Variants in RARB observed in about 807,000 individuals in gnomAD.
The protein encoded by RARB is retinoic acid receptor beta, also known as HBV-activated protein.
RARB carries 17 observed loss-of-function variants against 51.9 expected under a neutral mutation model. The observed-to-expected ratio is 0.33, with a 90% CI of 0.22 to 0.49. The LOEUF (loss-of-function observed/expected upper bound fraction) is 0.49. Ranked by LOEUF, RARB falls within the 20% of genes least tolerant of loss-of-function variation. RARB has a pLI of 0.99. For synonymous variants in RARB, 215 were observed against 195.4 expected (o/e 1.10, Z -0.84); for missense variants, 369 against 550.8 (o/e 0.67, Z 3.30).
intron 1 of RARB, among the ~76,000 whole-genome samples, chr3:25,439,439 T>A (rs897628280): frequency 6.6e-6 from 1 of 152,178 alleles, no homozygotes; most frequent in Non-Finnish European, 1.5e-5. Flanking sequence ...AGGGTCTCGC[T>A]CTGTTGCCCA....
At chr3:25,477,967 G>A (rs1229006955) in intron 2 of RARB, among the ~76,000 whole-genome samples, 2 of 152,170 alleles carry the variant, frequency 1.3e-5, no homozygotes, top group Admixed American at 1.3e-4. Context: ...AGTTGGTGTT[G>A]CCTGCTAAGT....
chr3:25,327,231 T>TA (rs1559358626), intron 5 of RARB, among the ~76,000 whole-genome samples: 9 of 152,064 alleles, frequency 5.9e-5, no homozygotes, highest in East Asian at 1.9e-4. Context: ...TTATTTTTTT[T>TA]TAAAAAAAGG....
chr3:25,213,280 C>T (rs564575222), intron 5 of RARB, among the ~76,000 whole-genome samples: 1 of 152,242 alleles, frequency 6.6e-6, no homozygotes, highest in East Asian at 1.9e-4. Context: ...ATCTGTACAG[C>T]TTTCTTTTGT....
At chr3:25,250,190 TTC>T (rs1294795532) in intron 5 of RARB, among the ~76,000 whole-genome samples, 4 of 152,110 alleles carry the variant, frequency 2.6e-5, no homozygotes, top group Non-Finnish European at 5.9e-5. Context: ...GATGGGCTTG[TTC>T]TCAGGCCCCT....
intron 1 of RARB, among the ~76,000 whole-genome samples, chr3:24,841,699 T>C (rs959004810): frequency 3.9e-5 from 6 of 152,202 alleles, no homozygotes; most frequent in African/African-American, 1.4e-4. Flanking sequence ...AAATAACAAC[T>C]AATAAAACTG....
intron 5 of RARB, among the ~76,000 whole-genome samples, chr3:25,176,367 TTCCTTCCTTCCTTCCTTCC>T (rs2125354603): frequency 1.7e-5 from 2 of 119,516 alleles, no homozygotes; most frequent in African/African-American, 5.6e-5. Context: ...CCTTCCTTCC[TTCCTTCCTTCCTTCCTTCC>T]TTATTTATTT....
intron 3 of RARB, among the ~76,000 whole-genome samples, chr3:25,516,775 C>T (rs1470718727): frequency 2.0e-5 from 3 of 151,984 alleles, no homozygotes; most frequent in African/African-American, 7.3e-5. Flanking sequence ...TATAAGCATA[C>T]ACCTCCACAC....
chr3:24,956,664 A>T (rs1302226211), intron 2 of RARB, among the ~76,000 whole-genome samples: 1 of 152,220 alleles, frequency 6.6e-6, no homozygotes, highest in African/African-American at 2.4e-5. Context: ...ACAGGGTCAC[A>T]TGTATGAAAT....
chr3:25,010,573 T>C (rs899668041), intron 2 of RARB, among the ~76,000 whole-genome samples: 3 of 152,216 alleles, frequency 2.0e-5, no homozygotes, highest in African/African-American at 7.2e-5. Flanking sequence ...CACACTCAAC[T>C]AACATTGGAG....
chr3:25,524,894 T>G (rs1016470165), intron 3 of RARB, among the ~76,000 whole-genome samples: 6 of 151,988 alleles, frequency 3.9e-5, no homozygotes, highest in African/African-American at 1.5e-4. Context: ...CACACCCAGC[T>G]AATTTTTGTA....
intron 5 of RARB, among the ~76,000 whole-genome samples, chr3:25,267,942 T>G (rs890803380): frequency 6.6e-6 from 1 of 152,216 alleles, no homozygotes; most frequent in African/African-American, 2.4e-5. Flanking sequence ...ATGTTGAAAC[T>G]ATATTCTTAA....
At chr3:25,079,761 T>C (rs551232563) in intron 3 of RARB, among the ~76,000 whole-genome samples, 24 of 152,318 alleles carry the variant, frequency 1.6e-4, no homozygotes, top group African/African-American at 5.5e-4. Context: ...CTTTCAAATA[T>C]TGCTGGGCTC....
intron 5 of RARB, among the ~76,000 whole-genome samples, chr3:25,347,801 C>T (rs1457098385): frequency 6.6e-6 from 1 of 152,200 alleles, no homozygotes; most frequent in African/African-American, 2.4e-5. Flanking sequence ...CACACATGTT[C>T]ATCATTGCCT....
intron 2 of RARB, among the ~76,000 whole-genome samples, chr3:24,905,772 G>A (rs1487081063): frequency 6.6e-6 from 1 of 152,146 alleles, no homozygotes; most frequent in East Asian, 1.9e-4. Flanking sequence ...AGTTGCACTG[G>A]CTAAGGATGT....
chr3:25,111,206 A>G (rs1176795008), intron 3 of RARB, among the ~76,000 whole-genome samples: 1 of 152,222 alleles, frequency 6.6e-6, no homozygotes, highest in Non-Finnish European at 1.5e-5. Flanking sequence ...TAAGAGATAT[A>G]TTTATATAAA....
chr3:25,187,737 G>T (rs1270366504), intron 5 of RARB, among the ~76,000 whole-genome samples: 1 of 152,032 alleles, frequency 6.6e-6, no homozygotes, highest in African/African-American at 2.4e-5. Context: ...CTCAGATACA[G>T]CCTTGTTGTG....
chr3:24,866,994 CT>C (rs1158683964), intron 2 of RARB, among the ~76,000 whole-genome samples: 2 of 151,938 alleles, frequency 1.3e-5, no homozygotes, highest in African/African-American at 2.4e-5. Context: ...ACAGGAGGGT[CT>C]GGAGGTCCAA....
At chr3:24,996,932 A>G (rs1445014112) in intron 2 of RARB, among the ~76,000 whole-genome samples, 1 of 152,104 alleles carries the variant, frequency 6.6e-6, no homozygotes. Context: ...TATATTCTGT[A>G]GCTGTTGGGT....
At chr3:25,341,311 C>T (rs953499701) in intron 5 of RARB, among the ~76,000 whole-genome samples, 1 of 152,058 alleles carries the variant, frequency 6.6e-6, no homozygotes, top group African/African-American at 2.4e-5. Flanking sequence ...CATAAGATCA[C>T]CAAGGACATC....
Sources: allele counts gnomAD v4.1 joint callset (sites outside exome capture counted in the v4.1 genomes callset), GRCh38; gene constraint gnomAD v4.1.1; transcripts MANE v1.5; gene names NCBI Gene and HGNC (gene_info 2026-07-23, HGNC 2026-07-21).